The following DMD variants were observed in gnomAD, a reference collection of about 807,000 sequenced individuals.
The protein encoded by DMD is mutant dystrophin.
A neutral mutation model predicts 330.1 loss-of-function variants in DMD; 63 were observed. The observed-to-expected ratio is 0.19, with a 90% CI of 0.16 to 0.24. The LOEUF is 0.24. DMD is among the 10% of genes least tolerant of loss of function. The pLI, the probability that DMD is intolerant of heterozygous loss-of-function variation, is 1.00. For missense variants in DMD, 3,344 were observed against 2,684.1 expected (o/e 1.25, Z -5.43); for synonymous variants, 1,223 against 959.8 (o/e 1.27, Z -5.07).
At chrX:32,080,321 T>C (rs2147887100) in intron 44 of DMD, among the ~76,000 whole-genome samples, 1 of 112,378 alleles carries the variant, frequency 8.9e-6, no homozygotes, top group South Asian at 3.7e-4. Flanking sequence ...CAAAGGTTTG[T>C]CAGCATTTCC....
At chrX:31,241,084 C>A (rs1276054597) in intron 63 of DMD, among the ~76,000 whole-genome samples, 4 of 26,333 alleles carry the variant, frequency 1.5e-4, no homozygotes, top group Non-Finnish European at 3.4e-4. Context: ...AAGTTAGGAA[C>A]CTTTCTCTGC....
At chrX:32,555,282 G>A (rs750008741) in intron 16 of DMD, among the ~76,000 whole-genome samples, 1 of 111,019 alleles carries the variant, frequency 9.0e-6, no homozygotes, top group African/African-American at 3.3e-5. Flanking sequence ...CAATAAACTA[G>A]GTATCGAAGG....
chrX:31,543,591 T>C (rs1441549159), intron 55 of DMD, among the ~76,000 whole-genome samples: 1 of 112,681 alleles, frequency 8.9e-6, no homozygotes, highest in Non-Finnish European at 1.9e-5. Context: ...CATTTCTATT[T>C]TGTTTAAGTC....
intron 44 of DMD, among the ~76,000 whole-genome samples, chrX:32,185,901 G>T (rs1024339191): frequency 9.1e-6 from 1 of 110,355 alleles, no homozygotes; most frequent in African/African-American, 3.3e-5. Flanking sequence ...TTCATTTTGA[G>T]ATCCAGAAGG....
chrX:31,308,637 C>G (rs971039355), intron 62 of DMD, among the ~76,000 whole-genome samples: 5 of 111,413 alleles, frequency 4.5e-5, no homozygotes, highest in South Asian at 3.8e-4. Flanking sequence ...GTCTCAAACT[C>G]CTGGACTCAA....
intron 1 of DMD, among the ~76,000 whole-genome samples, chrX:33,021,619 T>C (rs1602782083): frequency 9.0e-6 from 1 of 111,143 alleles, no homozygotes; most frequent in East Asian, 2.8e-4. Flanking sequence ...CAAAAATATC[T>C]GTTTATCTTT....
At chrX:32,124,885 G>A (rs1320442008) in intron 44 of DMD, among the ~76,000 whole-genome samples, 3 of 107,931 alleles carry the variant, frequency 2.8e-5, no homozygotes, top group Non-Finnish European at 5.7e-5. Context: ...AGTGGGTGGA[G>A]ACAGTGAGCA....
At chrX:33,174,370 T>C (rs1426621748) in intron 1 of DMD, among the ~76,000 whole-genome samples, 5 of 111,470 alleles carry the variant, frequency 4.5e-5, no homozygotes, top group Non-Finnish European at 9.4e-5. Context: ...AATTTTATAA[T>C]AAATGTTGCT....
At chrX:31,683,948 C>T (rs921020758) in intron 52 of DMD, among the ~76,000 whole-genome samples, 6 of 111,912 alleles carry the variant, frequency 5.4e-5, no homozygotes, top group African/African-American at 1.9e-4. Context: ...CGTTCTTTTT[C>T]TATTGCTGCA....
chrX:33,336,564 TA>T (rs2054258277), intron 1 of DMD, among the ~76,000 whole-genome samples: 1 of 111,000 alleles, frequency 9.0e-6, no homozygotes, highest in Non-Finnish European at 1.9e-5. Flanking sequence ...AATTTTTACC[TA>T]AAAGAGATAA....
In DMD at chrX:33,164,928, C is replaced by CT. The variant is rs113049352; in HGVS notation, c.31+46353dup. ...TTGCTTTGCTTTACTTACTTTCTTT[C>CT]TTTTTTTTTTTTTTTGCATACAGAC... On this transcript the variant is annotated intron_variant, in intron 1 of 78. Coordinates refer to ENST00000357033, the MANE Select transcript of DMD (RefSeq NM_004006.3). Among the ~76,000 whole-genome samples, 199 of 88,187 alleles carry CT rather than the reference C, an allele frequency of 2.3e-3. 4 individuals are homozygous for CT. The highest frequency in any genetic ancestry group is 8.9e-3 in the South Asian group (16 of 1,794). 76.6% of individuals were successfully genotyped at this position (88,187 alleles called of 115,157 possible).
intron 44 of DMD, among the ~76,000 whole-genome samples, chrX:32,062,003 A>C (rs1292880641): frequency 3.6e-5 from 4 of 111,211 alleles, no homozygotes; most frequent in Non-Finnish European, 7.6e-5. Context: ...TCACGGAATA[A>C]TATAGATCAA....
At chrX:31,535,662 T>G (rs1425128672) in intron 55 of DMD, among the ~76,000 whole-genome samples, 1 of 111,576 alleles carries the variant, frequency 9.0e-6, no homozygotes, top group Non-Finnish European at 1.9e-5. Flanking sequence ...GCAGCCCAGT[T>G]TACTGTATGA....
intron 60 of DMD, among the ~76,000 whole-genome samples, chrX:31,359,122 A>T (rs751956617): frequency 8.9e-6 from 1 of 112,490 alleles, no homozygotes; most frequent in Admixed American, 9.4e-5. Flanking sequence ...ATAAAAATAA[A>T]TAAGAAAACA....
At chrX:31,779,685 TTGTG>T (rs34110475) in intron 50 of DMD, among the ~76,000 whole-genome samples, 1,077 of 99,647 alleles carry the variant, frequency 0.011, 14 homozygotes, top group African/African-American at 0.032. Context: ...GATACACACA[TTGTG>T]TGTGTGTGTG....
chrX:31,487,261 AT>A (rs780359409), intron 57 of DMD, among the ~76,000 whole-genome samples: 1,325 of 100,865 alleles, frequency 0.013, 19 homozygotes, highest in African/African-American at 0.039. Context: ...CTGTTAACAC[AT>A]TTTTTTTTTT....
intron 2 of DMD, among the ~76,000 whole-genome samples, chrX:32,868,177 T>C (rs2082665850): frequency 8.9e-6 from 1 of 111,967 alleles, no homozygotes; most frequent in South Asian, 3.8e-4. Context: ...TGTCCTACCC[T>C]GCCTGGGAAA....
chrX:31,755,456 T>A (rs180755308), intron 51 of DMD, among the ~76,000 whole-genome samples: 1 of 111,915 alleles, frequency 8.9e-6, no homozygotes, highest in Non-Finnish European at 1.9e-5. Flanking sequence ...ATGTCTCCCT[T>A]GATTGAACCT....
chrX:32,602,217 G>T (rs1300148815), intron 12 of DMD, among the ~76,000 whole-genome samples: 1 of 111,703 alleles, frequency 9.0e-6, no homozygotes, highest in Non-Finnish European at 1.9e-5. Context: ...AAATTTGCAT[G>T]GGCAGACATA....
Sources: gnomAD v4.1 joint callset for allele counts (sites outside exome capture counted in the v4.1 genomes callset) on GRCh38, gnomAD v4.1.1 for gene constraint, MANE v1.5 for transcripts, NCBI Gene and HGNC (gene_info 2026-07-23, HGNC 2026-07-21) for gene names.